Variants in PECR observed in about 807,000 individuals in gnomAD.
PECR encodes the protein peroxisomal trans-2-enoyl-CoA reductase.
In PECR, 30 loss-of-function variants were observed where a neutral mutation model predicts 35.3. That is an observed-to-expected ratio of 0.85 (90% CI 0.64 to 1.15). The LOEUF is 1.15. Among genes scored for constraint, PECR ranks in the 50% most tolerant of loss-of-function variants. The pLI, the probability that PECR is intolerant of heterozygous loss-of-function variation, is 0.00. For synonymous variants in PECR, 148 were observed against 138.9 expected (o/e 1.07, Z -0.46); for missense variants, 392 against 370.8 (o/e 1.06, Z -0.47).
chr2:216,068,387 C>A (rs912278242), intron 1 of PECR, among the ~76,000 whole-genome samples: 7 of 151,840 alleles, frequency 4.6e-5, no homozygotes, highest in Admixed American at 1.3e-4. Flanking sequence ...CAATGCAAGC[C>A]AGAAGACACT....
chr2:216,081,713 T>C lies in PECR; in HGVS notation c.29A>G (p.Tyr10Cys), dbSNP rs540483371. The C allele has an allele frequency of 9.9e-6, 16 of 1,613,506 alleles. No individual in the cohort carries two copies. In the African/African-American group the frequency reaches 1.6e-4, roughly 16 times the overall value. MASWAKGRS[Y>C]LAPGLLQGQV... is the part of the protein sequence containing the mutation. ...GCCCTGCAGCAAACCAGGCGCCAGGTAGCTCCTGCCCTTAGCCCAGGAGGC... is the reference window on the plus strand; with the variant it reads ...GCCCTGCAGCAAACCAGGCGCCAGGCAGCTCCTGCCCTTAGCCCAGGAGGC... Residue 10 changes from tyrosine to cysteine, a missense_variant, in exon 1 of 8, where the codon TAC (tyrosine) becomes TGC (cysteine). Transcript: ENST00000265322.
At chr2:216,031,667 GAA>G (rs765832154) in intron 7 of PECR, among the ~76,000 whole-genome samples, 2 of 80,136 alleles carry the variant, frequency 2.5e-5, no homozygotes, top group African/African-American at 1.1e-4. Context: ...AAGAAAGAAA[GAA>G]AGAAAGAAAG....
intron 1 of PECR, among the ~76,000 whole-genome samples, chr2:216,068,644 G>A (rs567487038): frequency 3.3e-5 from 5 of 151,960 alleles, no homozygotes; most frequent in East Asian, 1.9e-4. Context: ...AAAATGGTTC[G>A]TGTGTTTGTT....
chr2:216,077,973 C>A (rs1695745829), intron 1 of PECR, among the ~76,000 whole-genome samples: 1 of 149,348 alleles, frequency 6.7e-6, no homozygotes, highest in African/African-American at 2.5e-5. Flanking sequence ...CTTTGGTTAC[C>A]ATCTGGCATA....
At chr2:216,081,597 A>T in intron 1 of PECR, 21 bp downstream of exon 1, 1 of 1,613,538 alleles carries the variant, frequency 6.2e-7, no homozygotes. Flanking sequence ...ACCTCTCTGC[A>T]CCAGCGGCCC....
At chr2:216,079,620 G>T (rs1695788198) in intron 1 of PECR, among the ~76,000 whole-genome samples, 1 of 150,738 alleles carries the variant, frequency 6.6e-6, no homozygotes. Flanking sequence ...GCCCGCCTCG[G>T]CCTCCCAAAG....
chr2:216,077,031 T>G (rs1695716577), intron 1 of PECR, among the ~76,000 whole-genome samples: 1 of 150,042 alleles, frequency 6.7e-6, no homozygotes, highest in East Asian at 2.1e-4. Flanking sequence ...CTCCGAGTAA[T>G]TGGGATTACA....
intron 7 of PECR, among the ~76,000 whole-genome samples, chr2:216,040,506 T>C (rs1346053596): frequency 6.6e-6 from 1 of 152,112 alleles, no homozygotes; most frequent in East Asian, 1.9e-4. Context: ...GGCCCACCTT[T>C]GCCTCCCAAA....
intron 3 of PECR, among the ~76,000 whole-genome samples, chr2:216,060,877 G>A (rs1340800488): frequency 1.3e-5 from 2 of 151,502 alleles, no homozygotes; most frequent in African/African-American, 4.9e-5. Context: ...GGCTTAGGAG[G>A]TGAGAAAAAA....
At chr2:216,031,417 GAAGAAAGAAAGAA>G (rs147117336) in intron 7 of PECR, among the ~76,000 whole-genome samples, 43,276 of 133,134 alleles carry the variant, frequency 0.33, 7,051 homozygotes, top group Admixed American at 0.44. Flanking sequence ...AGGAAGAAAG[GAAGAAAGAAAGAA>G]AAGAAAGAAA....
rs1207494721 is a variant in PECR, at chr2:216,081,320, T to A, written c.124+298A>T. Among the ~76,000 whole-genome samples the A allele has an allele frequency of 2.0e-5, 3 of 152,228 alleles. No homozygotes were observed. The East Asian group carries it at 5.8e-4, about 29-fold the overall frequency. ...TTAAGCATATAGAATGGATTAATTT[T>A]AAATCTGAATATAAAACTAATTGCA... On this transcript the variant is annotated intron_variant, in intron 1 of 7. Transcript: ENST00000265322.
At chr2:216,052,495 G>T (rs1177784523) in intron 4 of PECR, among the ~76,000 whole-genome samples, 1 of 152,206 alleles carries the variant, frequency 6.6e-6, no homozygotes, top group East Asian at 1.9e-4. Context: ...AATGGATAAA[G>T]AATTCCAGGT....
At chr2:216,057,165 G>A (rs1695244698) in intron 4 of PECR, among the ~76,000 whole-genome samples, 1 of 152,102 alleles carries the variant, frequency 6.6e-6, no homozygotes, top group Non-Finnish European at 1.5e-5. Context: ...ATTTGGCTTT[G>A]GACTTAGCAA....
rs60733046 is a variant in PECR, at chr2:216,074,525, G to A, written c.124+7093C>T. On this transcript the variant is annotated intron_variant, in intron 1 of 7. Transcript: ENST00000265322. ...GGAAGGAAGGAAGGAAGGAAGGAAGGAAGGAAGGAAGGAAGAAAGGAAGGA... is the reference window on the plus strand; with the variant it reads ...GGAAGGAAGGAAGGAAGGAAGGAAGAAAGGAAGGAAGGAAGAAAGGAAGGA... Among the ~76,000 whole-genome samples, 475 of 126,780 alleles carry A rather than the reference G, an allele frequency of 3.7e-3. 2 individuals are homozygous for A. Among genetic ancestry groups the A allele is most frequent in the African/African-American group, 7.9e-3 (175 of 22,232 alleles). 83.2% of individuals were successfully genotyped at this position (126,780 alleles called of 152,430 possible).
At chr2:216,040,873 A>T (rs1200024983) in intron 7 of PECR, among the ~76,000 whole-genome samples, 1 of 152,050 alleles carries the variant, frequency 6.6e-6, no homozygotes, top group Non-Finnish European at 1.5e-5. Flanking sequence ...CTCTGTCTCA[A>T]AAAAAAAGAA....
intron 1 of PECR, among the ~76,000 whole-genome samples, chr2:216,074,894 G>T (rs914608392): frequency 6.6e-6 from 1 of 152,120 alleles, no homozygotes; most frequent in Non-Finnish European, 1.5e-5. Flanking sequence ...TGGCCATTCA[G>T]GAAATGGTTA....
downstream of PECR, among the ~76,000 whole-genome samples, chr2:216,034,818 A>C (rs1002024118): frequency 7.2e-5 from 11 of 152,168 alleles, no homozygotes; most frequent in Non-Finnish European, 1.2e-4. Flanking sequence ...CTCATGGAAG[A>C]GGTGTAGAAC....
At chr2:216,067,612 A>G (rs1388904310) in intron 1 of PECR, among the ~76,000 whole-genome samples, 1 of 150,088 alleles carries the variant, frequency 6.7e-6, no homozygotes, top group Non-Finnish European at 1.5e-5. Flanking sequence ...ACTGGGGTGC[A>G]GTGGCATGAT....
intron 1 of PECR, among the ~76,000 whole-genome samples, chr2:216,079,379 T>C (rs1370986476): frequency 6.6e-6 from 1 of 151,716 alleles, no homozygotes; most frequent in Non-Finnish European, 1.5e-5. Context: ...TACTTTTTTT[T>C]TTTTTTGATA....
Sources: gnomAD v4.1 joint callset for allele counts (sites outside exome capture counted in the v4.1 genomes callset) on GRCh38, gnomAD v4.1.1 for gene constraint, MANE v1.5 for transcripts, NCBI Gene and HGNC (gene_info 2026-07-23, HGNC 2026-07-21) for gene names.